Variants in PPP2R2B observed in about 807,000 individuals in gnomAD.
PPP2R2B encodes the protein protein phosphatase 2 regulatory subunit Bbeta, also known as serine/threonine-protein phosphatase 2A 55 kDa regulatory subunit B beta isoform.
Under a neutral mutation model 46.0 loss-of-function variants are expected in PPP2R2B, and 5 were observed. That is an observed-to-expected ratio of 0.11 (90% CI 0.06 to 0.23). PPP2R2B has a LOEUF of 0.23. Ranked by LOEUF, PPP2R2B falls within the 10% of genes least tolerant of loss-of-function variation. PPP2R2B has a pLI of 1.00. For missense variants in PPP2R2B, 367 were observed against 575.0 expected, an observed-to-expected ratio of 0.64 and a Z score of 3.70; for synonymous variants, 215 against 206.7, an observed-to-expected ratio of 1.04 and a Z score of -0.34.
intron 1 of PPP2R2B, among the ~76,000 whole-genome samples, chr5:146,963,714 T>A (rs1752280883): frequency 6.6e-6 from 1 of 152,182 alleles, no homozygotes. Flanking sequence ...GAAGGTCAAT[T>A]AGAGTAACTT....
chr5:147,028,172 C>T (rs13354546), intron 1 of PPP2R2B, among the ~76,000 whole-genome samples: 1,576 of 152,288 alleles, frequency 0.01, 38 homozygotes, highest in African/African-American at 0.036. Flanking sequence ...TACCTCTTAA[C>T]AGAAGACCTT....
intron 2 of PPP2R2B, among the ~76,000 whole-genome samples, chr5:146,848,279 G>A (rs1024647615): frequency 1.1e-4 from 16 of 152,090 alleles, no homozygotes; most frequent in African/African-American, 3.6e-4. Context: ...AGTGTGGTAC[G>A]TTTTTATAAG....
At chr5:146,692,109 C>G (rs1362327848) in intron 4 of PPP2R2B, among the ~76,000 whole-genome samples, 1 of 152,196 alleles carries the variant, frequency 6.6e-6, no homozygotes, top group Non-Finnish European at 1.5e-5. Context: ...TTCTATCTAT[C>G]TTGTTTATCA....
intron 2 of PPP2R2B, among the ~76,000 whole-genome samples, chr5:146,718,734 G>A (rs1002080909): frequency 4.6e-5 from 7 of 152,192 alleles, no homozygotes; most frequent in Non-Finnish European, 8.8e-5. Flanking sequence ...GACTGGGTGG[G>A]AAGATCTTTA....
intron 1 of PPP2R2B, among the ~76,000 whole-genome samples, chr5:147,018,572 T>A (rs185459970): frequency 5.5e-4 from 84 of 152,328 alleles, no homozygotes; most frequent in African/African-American, 1.8e-3. Flanking sequence ...GGAAATGTTA[T>A]GTATCTAGAT....
intron 2 of PPP2R2B, among the ~76,000 whole-genome samples, chr5:146,842,791 T>C (rs1759744043): frequency 6.6e-6 from 1 of 152,218 alleles, no homozygotes; most frequent in Non-Finnish European, 1.5e-5. Flanking sequence ...GGCCTCCTTA[T>C]CTGCTAATAA....
At chr5:146,946,924 A>AGAGAAAGCCTGAGAGGGTGTTTCTC (rs1764502771) in intron 1 of PPP2R2B, among the ~76,000 whole-genome samples, 1 of 152,036 alleles carries the variant, frequency 6.6e-6, no homozygotes, top group East Asian at 1.9e-4. Flanking sequence ...AATACTCAGC[A>AGAGAAAGCCTGAGAGGGTGTTTCTC]GAGAAAGCCT....
intron 2 of PPP2R2B, among the ~76,000 whole-genome samples, chr5:146,811,451 G>T (rs1228151816): frequency 1.3e-5 from 2 of 151,642 alleles, no homozygotes; most frequent in Non-Finnish European, 2.9e-5. Flanking sequence ...CTATTCTCCT[G>T]CCATTTGCTA....
intron 1 of PPP2R2B, among the ~76,000 whole-genome samples, chr5:147,017,941 A>T (rs1376003960): frequency 6.6e-6 from 1 of 152,046 alleles, no homozygotes; most frequent in African/African-American, 2.4e-5. Context: ...AAGGCTCAAG[A>T]TAAGTTAGAA....
chr5:147,005,537 C>T (rs548300172), intron 1 of PPP2R2B, among the ~76,000 whole-genome samples: 4 of 152,180 alleles, frequency 2.6e-5, no homozygotes, highest in African/African-American at 4.8e-5. Flanking sequence ...GGAGTTATTG[C>T]ACTCCTTGCA....
At chr5:146,926,920 C>G in intron 1 of PPP2R2B, among the ~76,000 whole-genome samples, 1 of 152,178 alleles carries the variant, frequency 6.6e-6, no homozygotes, top group Non-Finnish European at 1.5e-5. Flanking sequence ...CCTCCCAACT[C>G]ACTCCCATCC....
intron 4 of PPP2R2B, among the ~76,000 whole-genome samples, chr5:146,692,720 G>A (rs922875381): frequency 6.6e-6 from 1 of 151,860 alleles, no homozygotes; most frequent in African/African-American, 2.4e-5. Flanking sequence ...ATTTCTAGTA[G>A]AGACGGGGTT....
intron 1 of PPP2R2B, among the ~76,000 whole-genome samples, chr5:146,885,067 T>A (rs1762277513): frequency 6.6e-6 from 1 of 152,054 alleles, no homozygotes; most frequent in South Asian, 2.1e-4. Flanking sequence ...TTATAATGAG[T>A]TCATATGATG....
At chr5:146,714,676 G>C (rs1209996887) in intron 2 of PPP2R2B, among the ~76,000 whole-genome samples, 3 of 152,264 alleles carry the variant, frequency 2.0e-5, no homozygotes, top group African/African-American at 7.2e-5. Flanking sequence ...TAAGAAAAAT[G>C]CTATTGAAAT....
At position 147,021,840 on chromosome 5, in the gene PPP2R2B, C is replaced by T. The variant is rs184963591; in HGVS notation, c.79+33825G>A. On this transcript the variant is annotated intron_variant, in intron 1 of 8. Coordinates refer to the PPP2R2B transcript ENST00000336640. The stretch of plus-strand genomic sequence containing the variant: ...AAGAAGCTATGATTAAGATTAAAAT[C>T]AGTCAATAGAAGCAAACTCTAAAAA... Among the ~76,000 whole-genome samples, 3 of 152,144 alleles carry T rather than the reference C, an allele frequency of 2.0e-5. No homozygotes were observed. The East Asian group carries it at 5.8e-4, about 29-fold the overall frequency.
rs1191927061 is a variant in PPP2R2B, at chr5:146,585,272, A to ACACACC, written c.*4674_*4675insGGTGTG. ...CATCTACATGCATACACACACACAC[A>ACACACC]CACACACACACACACACACACACAC... is the stretch of plus-strand genomic sequence containing the variant. On this transcript the variant is annotated 3_prime_UTR_variant, in exon 10 of 10. Coordinates refer to ENST00000394411, the MANE Select transcript of PPP2R2B (RefSeq NM_181675.4). 1 of 150,590 alleles carries ACACACC rather than the reference A, an allele frequency of 6.6e-6. No individual in the cohort carries two copies. Among genetic ancestry groups the ACACACC allele is most frequent in the East Asian group, 2.0e-4 (1 of 5,116 alleles). 9.3% of individuals were successfully genotyped at this position (150,590 alleles called of 1,614,324 possible).
At chr5:146,890,884 C>G (rs1271845424) in intron 1 of PPP2R2B, among the ~76,000 whole-genome samples, 1 of 152,094 alleles carries the variant, frequency 6.6e-6, no homozygotes, top group Non-Finnish European at 1.5e-5. Context: ...CCCAGGAAAA[C>G]AGCAACAGCA....
intron 1 of PPP2R2B, among the ~76,000 whole-genome samples, chr5:146,975,401 ATCAG>A (rs1294237995): frequency 1.3e-5 from 2 of 152,212 alleles, no homozygotes; most frequent in Non-Finnish European, 2.9e-5. Flanking sequence ...TTATCTATTC[ATCAG>A]TCAGTGGACA....
At chr5:147,054,732 G>C (rs1756992321) in intron 1 of PPP2R2B, 1 of 455,870 alleles carries the variant, frequency 2.2e-6, no homozygotes, top group African/African-American at 2.0e-5. Flanking sequence ...AGTGTGGCTA[G>C]ACATGAGTTG....
Sources: gnomAD v4.1 joint callset for allele counts (sites outside exome capture counted in the v4.1 genomes callset) on GRCh38, gnomAD v4.1.1 for gene constraint, MANE v1.5 for transcripts, NCBI Gene and HGNC (gene_info 2026-07-23, HGNC 2026-07-21) for gene names.